Variants in USH2A observed in about 807,000 individuals in gnomAD.
USH2A encodes usherin, also known as Usher syndrome 2A (autosomal recessive, mild).
In USH2A, 443 loss-of-function variants were observed where a neutral mutation model predicts 538.9. That is an observed-to-expected ratio of 0.82 (90% CI 0.76 to 0.89). The LOEUF (loss-of-function observed/expected upper bound fraction) is 0.89. USH2A is among the 40% of genes least tolerant of loss of function. The pLI is 0.00. For synonymous variants in USH2A, 2,413 were observed against 2,273.5 expected (o/e 1.06, Z -1.75); for missense variants, 6,633 against 6,324.8 (o/e 1.05, Z -1.65).
At chr1:216,013,813 T>C (rs10864222) in intron 32 of USH2A, among the ~76,000 whole-genome samples, 71,017 of 151,796 alleles carry the variant, frequency 0.47, 17,052 homozygotes, top group East Asian at 0.7. Flanking sequence ...GTGAAATAAA[T>C]AGCTTTATTG....
chr1:216,007,504 G>A (rs1367349706), intron 32 of USH2A, among the ~76,000 whole-genome samples: 1 of 152,164 alleles, frequency 6.6e-6, no homozygotes, highest in Non-Finnish European at 1.5e-5. Flanking sequence ...AGGATAAAAG[G>A]AAGTAGAAAT....
intron 71 of USH2A, 82 bp from the exon 72 acceptor site, chr1:215,625,952 T>G: frequency 7.3e-7 from 1 of 1,374,662 alleles, no homozygotes; most frequent in Non-Finnish European, 1.0e-6. Context: ...ATCAATTAAG[T>G]GTAAAAAGTA....
intron 20 of USH2A, among the ~76,000 whole-genome samples, chr1:216,176,752 C>T (rs891028063): frequency 2.6e-5 from 4 of 152,086 alleles, no homozygotes; most frequent in African/African-American, 7.2e-5. Context: ...TACTCATCTC[C>T]GTAGTTTTGC....
intron 3 of USH2A, among the ~76,000 whole-genome samples, chr1:216,396,600 C>T: frequency 6.6e-6 from 1 of 152,080 alleles, no homozygotes; most frequent in East Asian, 1.9e-4. Context: ...ATTACACGAA[C>T]CAGTTACATG....
chr1:216,167,543 A>G (rs556098719), intron 21 of USH2A, among the ~76,000 whole-genome samples: 2 of 152,258 alleles, frequency 1.3e-5, no homozygotes, highest in East Asian at 3.9e-4. Flanking sequence ...CACACTGGAC[A>G]TTCAACTTCT....
At position 215,864,242 on chromosome 1, in the gene USH2A, T is replaced by A. The variant is rs549977402; in HGVS notation, c.8845+2765A>T. 5.9e-5 allele frequency among the ~76,000 whole-genome samples: 9 copies of A among 152,300 alleles called. No homozygotes were observed. The South Asian group carries it at 1.5e-3, about 25-fold the overall frequency. On this transcript the variant is annotated intron_variant, in intron 44 of 71. Coordinates refer to ENST00000307340, the MANE Select transcript of USH2A (RefSeq NM_206933.4). ...AAAATTTGATGCCTGAGTCCTAAGT[T>A]TGAGTTTGGGAACTGGTACTTTCTA...
intron 27 of USH2A, 82 bp downstream of exon 27, chr1:216,078,007 C>T (rs2031809884): frequency 1.9e-5 from 29 of 1,557,118 alleles, no homozygotes; most frequent in Non-Finnish European, 2.5e-5. Flanking sequence ...GAGTCTATTG[C>T]TATCTCTTGA....
intron 37 of USH2A, among the ~76,000 whole-genome samples, chr1:215,935,883 T>A (rs1666479843): frequency 6.6e-6 from 1 of 151,812 alleles, no homozygotes; most frequent in African/African-American, 2.4e-5. Flanking sequence ...AAACAAAAAA[T>A]TAAAATTAAA....
intron 49 of USH2A, among the ~76,000 whole-genome samples, chr1:215,799,931 C>T (rs973581101): frequency 6.6e-6 from 1 of 151,902 alleles, no homozygotes; most frequent in African/African-American, 2.4e-5. Flanking sequence ...AGGCAGAGTG[C>T]GCAGTGAGCC....
chr1:215,748,967 A>G (rs1660554398), intron 58 of USH2A, among the ~76,000 whole-genome samples: 1 of 152,258 alleles, frequency 6.6e-6, no homozygotes, highest in Non-Finnish European at 1.5e-5. Context: ...AACACTTTTG[A>G]ATCCATCTTT....
chr1:216,199,123 T>C (rs2034922644), intron 17 of USH2A, among the ~76,000 whole-genome samples: 1 of 152,224 alleles, frequency 6.6e-6, no homozygotes, highest in South Asian at 2.1e-4. Context: ...GTACATGATA[T>C]AAATGATTAA....
intron 3 of USH2A, among the ~76,000 whole-genome samples, chr1:216,413,742 T>G (rs2039530836): frequency 6.6e-6 from 1 of 152,088 alleles, no homozygotes; most frequent in African/African-American, 2.4e-5. Context: ...GAAAATAGCA[T>G]AGAAAATGTG....
intron 30 of USH2A, among the ~76,000 whole-genome samples, chr1:216,060,488 C>A (rs1227684935): frequency 6.6e-6 from 1 of 152,108 alleles, no homozygotes; most frequent in Non-Finnish European, 1.5e-5. Flanking sequence ...ATTAAAATGT[C>A]TTTTTCTTTA....
chr1:216,266,850 A>G (rs1421604521), intron 11 of USH2A, among the ~76,000 whole-genome samples: 1 of 152,036 alleles, frequency 6.6e-6, no homozygotes, highest in Non-Finnish European at 1.5e-5. Context: ...AAGACTATGG[A>G]TATTTTTGAA....
intron 38 of USH2A, among the ~76,000 whole-genome samples, chr1:215,929,223 T>C (rs1666305735): frequency 6.6e-6 from 1 of 152,128 alleles, no homozygotes; most frequent in Non-Finnish European, 1.5e-5. Flanking sequence ...TTATATTTAA[T>C]AAGTAGCTCT....
intron 38 of USH2A, among the ~76,000 whole-genome samples, chr1:215,906,928 G>T (rs2102475407): frequency 6.6e-6 from 1 of 152,030 alleles, no homozygotes; most frequent in Non-Finnish European, 1.5e-5. Flanking sequence ...AAACTTAAAA[G>T]TCACCAACTT....
intron 37 of USH2A, among the ~76,000 whole-genome samples, chr1:215,959,901 G>A (rs559299089): frequency 6.2e-4 from 95 of 152,154 alleles, no homozygotes; most frequent in Non-Finnish European, 1.2e-3. Context: ...TGAAGATCAC[G>A]TCCCAATTCA....
intron 35 of USH2A, among the ~76,000 whole-genome samples, chr1:215,982,621 T>C (rs1667776629): frequency 6.6e-6 from 1 of 152,202 alleles, no homozygotes; most frequent in Non-Finnish European, 1.5e-5. Flanking sequence ...TAAAATAATT[T>C]TTGTAAGTCT....
chr1:216,252,131 A>C (rs1438860170), intron 11 of USH2A, among the ~76,000 whole-genome samples: 1 of 152,248 alleles, frequency 6.6e-6, no homozygotes, highest in African/African-American at 2.4e-5. Flanking sequence ...AAGAATGCAA[A>C]TACATAAAAT....
Sources: gnomAD v4.1 joint callset for allele counts (sites outside exome capture counted in the v4.1 genomes callset) on GRCh38, gnomAD v4.1.1 for gene constraint, MANE v1.5 for transcripts, NCBI Gene and HGNC (gene_info 2026-07-23, HGNC 2026-07-21) for gene names.